PHKA1: variants seen among roughly 807,000 people sequenced by gnomAD.
The protein encoded by PHKA1 is phosphorylase kinase regulatory subunit alpha 1.
A neutral mutation model predicts 110.2 loss-of-function variants in PHKA1; 60 were observed. That is an observed-to-expected ratio of 0.54 (90% CI 0.44 to 0.68). PHKA1 has a LOEUF of 0.68. Ranked by LOEUF, PHKA1 falls within the 30% of genes least tolerant of loss-of-function variation. The pLI is 0.00. For missense variants in PHKA1, 801 were observed against 942.5 expected, an observed-to-expected ratio of 0.85 and a Z score of 1.97; for synonymous variants, 316 against 333.6, an observed-to-expected ratio of 0.95 and a Z score of 0.58.
intron 4 of PHKA1, among the ~76,000 whole-genome samples, chrX:72,686,275 C>T (rs1265959735): frequency 1.8e-5 from 2 of 112,006 alleles, no homozygotes; most frequent in African/African-American, 6.5e-5. Flanking sequence ...AGTCTTCCTC[C>T]TACCCAGAAC....
intron 4 of PHKA1, among the ~76,000 whole-genome samples, chrX:72,685,684 GAAA>G (rs1556318617): frequency 9.0e-6 from 1 of 111,576 alleles, no homozygotes; most frequent in African/African-American, 3.2e-5. Context: ...GTTTACATAT[GAAA>G]GACTTGGTTT....
In PHKA1 at chrX:72,663,928, GGAGAAA is replaced by G. The variant is rs782274975; in HGVS notation, c.864+2217_864+2222del. The stretch of plus-strand genomic sequence containing the variant: ...CATACAGAAAGGGCACATACAGAAA[GGAGAAA>G]GAGAAAGAGAAAGAGAAAGAGAAAG... On this transcript the variant is annotated intron_variant, in intron 8 of 31. Coordinates refer to ENST00000373542, the MANE Select transcript of PHKA1 (RefSeq NM_002637.4). Among the ~76,000 whole-genome samples the G allele has an allele frequency of 5.0e-3, 538 of 108,325 alleles. 3 individuals are homozygous for G. Among genetic ancestry groups the G allele is most frequent in the African/African-American group, 4.8e-3 (143 of 29,757 alleles). 94.1% of individuals were successfully genotyped at this position (108,325 alleles called of 115,157 possible).
intron 5 of PHKA1, among the ~76,000 whole-genome samples, chrX:72,682,526 G>C (rs1266357368): frequency 9.2e-6 from 1 of 108,592 alleles, no homozygotes; most frequent in African/African-American, 3.3e-5. Flanking sequence ...GATGGTTGCC[G>C]TGTCTGTGTG....
At chrX:72,695,626 C>T (rs1556326815) in intron 4 of PHKA1, 82 bp downstream of exon 4, 11 of 981,864 alleles carry the variant, frequency 1.1e-5, no homozygotes, top group South Asian at 8.0e-5. Context: ...CCAGCCTTCC[C>T]GGTTCTCAAT....
intron 2 of PHKA1, among the ~76,000 whole-genome samples, chrX:72,710,826 T>C (rs2054361766): frequency 1.7e-5 from 1 of 59,872 alleles, no homozygotes; most frequent in Non-Finnish European, 3.4e-5. Flanking sequence ...TTATTTTTTA[T>C]TTTTTATTTT....
intron 29 of PHKA1, among the ~76,000 whole-genome samples, chrX:72,587,985 C>G (rs1004144006): frequency 2.7e-5 from 3 of 111,237 alleles, no homozygotes; most frequent in African/African-American, 9.8e-5. Context: ...ATAATAATGG[C>G]AGACTTTAAC....
intron 5 of PHKA1, among the ~76,000 whole-genome samples, chrX:72,676,577 G>A (rs572170747): frequency 1.8e-5 from 2 of 111,376 alleles, no homozygotes; most frequent in Admixed American, 9.5e-5. Flanking sequence ...ACTAATTTAC[G>A]CATTTTACAT....
chrX:72,641,504 T>C (rs1482744999), intron 14 of PHKA1, among the ~76,000 whole-genome samples: 1 of 111,864 alleles, frequency 8.9e-6, no homozygotes, highest in African/African-American at 3.2e-5. Flanking sequence ...TATTAAAATG[T>C]ATCTATATGC....
At chrX:72,709,315 T>G (rs1024321361) in intron 2 of PHKA1, 3 of 109,028 alleles carry the variant, frequency 2.8e-5, no homozygotes, top group Admixed American at 2.0e-4. Context: ...TCTATGGGTA[T>G]GAGACTGTAT....
intron 28 of PHKA1, among the ~76,000 whole-genome samples, chrX:72,594,220 T>C (rs535721730): frequency 1.8e-5 from 2 of 108,876 alleles, no homozygotes; most frequent in South Asian, 8.0e-4. Flanking sequence ...CTCAAATCAA[T>C]AAACAAACTT....
intron 22 of PHKA1, among the ~76,000 whole-genome samples, chrX:72,610,450 T>G (rs2147690446): frequency 9.0e-6 from 1 of 111,534 alleles, no homozygotes; most frequent in South Asian, 3.8e-4. Context: ...AATGACAGGG[T>G]TTTACTATTT....
At chrX:72,712,688 T>C (rs1461443403) in intron 2 of PHKA1, 91 bp downstream of exon 2, 11 of 813,899 alleles carry the variant, frequency 1.4e-5, no homozygotes, top group Non-Finnish European at 2.0e-5. Flanking sequence ...CTCTTAGCTT[T>C]TGGTGGGTTT....
At chrX:72,693,466 C>T (rs1453613801) in intron 4 of PHKA1, among the ~76,000 whole-genome samples, 4 of 112,105 alleles carry the variant, frequency 3.6e-5, no homozygotes, top group African/African-American at 9.7e-5. Context: ...GCAAAATTTC[C>T]GTGCCAGTGC....
chrX:72,602,935 C>T lies in PHKA1; in HGVS notation c.2917+184G>A, dbSNP rs143171310. Among the ~76,000 whole-genome samples the T allele has an allele frequency of 3.3e-3, 365 of 111,864 alleles. 1 individual carries two copies. The highest frequency in any genetic ancestry group is 0.014 in the Middle Eastern group (3 of 217). ...GTAATCAATCCACTTAGTTGATATA[C>T]CATTTAAGGAAAAATATAGTGGTTT... On this transcript the variant is annotated intron_variant, in intron 26 of 31. Transcript: ENST00000373542.
At chrX:72,644,842 C>T (rs2053341909) in intron 13 of PHKA1, among the ~76,000 whole-genome samples, 1 of 111,110 alleles carries the variant, frequency 9.0e-6, no homozygotes, top group Admixed American at 9.6e-5. Flanking sequence ...ACTGATTCCC[C>T]GAGTTCTTTT....
chrX:72,645,948 G>T (rs1221476376), intron 13 of PHKA1, among the ~76,000 whole-genome samples: 1 of 111,928 alleles, frequency 8.9e-6, no homozygotes, highest in Non-Finnish European at 1.9e-5. Context: ...GAATAAGTTA[G>T]CTAGGAGAAA....
chrX:72,595,837 C>G (rs190917836), intron 28 of PHKA1, among the ~76,000 whole-genome samples: 248 of 111,821 alleles, frequency 2.2e-3, no homozygotes, highest in African/African-American at 7.6e-3. Context: ...CCCTTGTACA[C>G]TGTTGCTGGG....
chrX:72,585,703 G>A (rs1488349254), intron 29 of PHKA1, among the ~76,000 whole-genome samples: 2 of 112,250 alleles, frequency 1.8e-5, no homozygotes, highest in African/African-American at 3.2e-5. Flanking sequence ...TTGGAAAATA[G>A]AGACACTCCC....
intron 2 of PHKA1, chrX:72,709,286 C>CTATT (rs1165021293): frequency 9.1e-6 from 1 of 109,665 alleles, no homozygotes; most frequent in East Asian, 2.8e-4. Flanking sequence ...AGAGATATCC[C>CTATT]TATTTGTGTG....
Sources: allele counts gnomAD v4.1 joint callset (sites outside exome capture counted in the v4.1 genomes callset), GRCh38; gene constraint gnomAD v4.1.1; transcripts MANE v1.5; gene names NCBI Gene and HGNC (gene_info 2026-07-23, HGNC 2026-07-21).